The following PARD3 variants were observed in gnomAD, a reference collection of about 807,000 sequenced individuals.
PARD3 encodes the protein par-3 family cell polarity regulator, also known as partitioning defective 3 homolog.
PARD3 carries 75 observed loss-of-function variants against 155.4 expected under a neutral mutation model. That is an observed-to-expected ratio of 0.48 (90% CI 0.40 to 0.58). The LOEUF (loss-of-function observed/expected upper bound fraction) is 0.58, where lower values mean the gene tolerates loss of function less well. Ranked by LOEUF, PARD3 falls within the 20% of genes least tolerant of loss-of-function variation. The pLI is 0.00. For missense variants in PARD3, 1,642 were observed against 1,721.7 expected (o/e 0.95, Z 0.82); for synonymous variants, 576 against 610.5 (o/e 0.94, Z 0.83).
At chr10:34,727,974 G>A (rs186073731) in intron 1 of PARD3, among the ~76,000 whole-genome samples, 7 of 151,866 alleles carry the variant, frequency 4.6e-5, no homozygotes, top group South Asian at 4.2e-4. Flanking sequence ...TTCAGCACCC[G>A]ATATCTGACA....
chr10:34,418,298 CT>C (rs1479122055), intron 5 of PARD3, among the ~76,000 whole-genome samples: 1 of 152,066 alleles, frequency 6.6e-6, no homozygotes, highest in African/African-American at 2.4e-5. Flanking sequence ...CCTCAGCCTC[CT>C]AAGTAGCTGA....
chr10:34,373,301 GA>G (rs879396712), intron 11 of PARD3, among the ~76,000 whole-genome samples: 55 of 141,572 alleles, frequency 3.9e-4, no homozygotes, highest in South Asian at 1.1e-3. Context: ...ACATAACCAA[GA>G]AAAAAAAAAA....
intron 1 of PARD3, among the ~76,000 whole-genome samples, chr10:34,798,925 C>G (rs751580384): frequency 2.6e-5 from 4 of 152,206 alleles, no homozygotes; most frequent in Non-Finnish European, 5.9e-5. Context: ...AGACAACCAC[C>G]TGAAGAGCTT....
At chr10:34,510,907 A>G (rs1179214840) in intron 3 of PARD3, among the ~76,000 whole-genome samples, 1 of 152,224 alleles carries the variant, frequency 6.6e-6, no homozygotes, top group African/African-American at 2.4e-5. Context: ...TTGCATCTAA[A>G]TAATTCCTTA....
intron 1 of PARD3, among the ~76,000 whole-genome samples, chr10:34,720,053 TA>T (rs1469325875): frequency 6.6e-6 from 1 of 152,202 alleles, no homozygotes; most frequent in Non-Finnish European, 1.5e-5. Context: ...AATTTCAGCT[TA>T]TGGTGCAGGG....
chr10:34,766,954 GC>G (rs1838180366), intron 1 of PARD3, among the ~76,000 whole-genome samples: 3 of 152,136 alleles, frequency 2.0e-5, no homozygotes, highest in African/African-American at 7.2e-5. Flanking sequence ...CCTAGACTCA[GC>G]GAGAAAGGAG....
chr10:34,504,322 T>G (rs1182336257), intron 3 of PARD3, among the ~76,000 whole-genome samples: 1 of 151,532 alleles, frequency 6.6e-6, no homozygotes, highest in African/African-American at 2.4e-5. Context: ...TGGATCTTAC[T>G]ATGGTGCCCA....
intron 22 of PARD3, among the ~76,000 whole-genome samples, chr10:34,193,696 T>C (rs536265252): frequency 6.6e-6 from 1 of 152,352 alleles, no homozygotes; most frequent in Non-Finnish European, 1.5e-5. Flanking sequence ...TTAATTGGAT[T>C]TTCTGCACTT....
intron 22 of PARD3, among the ~76,000 whole-genome samples, chr10:34,198,017 G>A (rs182541092): frequency 1.0e-3 from 156 of 152,308 alleles, no homozygotes; most frequent in African/African-American, 3.3e-3. Flanking sequence ...ATGAGCCACC[G>A]CGCCCGGCCG....
chr10:34,536,927 C>G (rs372022881), intron 2 of PARD3, among the ~76,000 whole-genome samples: 40 of 152,066 alleles, frequency 2.6e-4, no homozygotes, highest in Non-Finnish European at 4.7e-4. Flanking sequence ...GGTAACTGAG[C>G]GAAAGAAAAA....
chr10:34,355,680 G>A (rs969668196), intron 14 of PARD3, among the ~76,000 whole-genome samples: 4 of 152,040 alleles, frequency 2.6e-5, no homozygotes, highest in Non-Finnish European at 4.4e-5. Flanking sequence ...TGTAATTCCA[G>A]CACTTTGGGA....
intron 20 of PARD3, among the ~76,000 whole-genome samples, chr10:34,302,170 C>T (rs1353757446): frequency 2.0e-5 from 3 of 152,216 alleles, no homozygotes; most frequent in African/African-American, 2.4e-5. Context: ...CCTCGCAAAC[C>T]GAGAGGATTT....
At chr10:34,127,528 CT>C (rs1428316002) in intron 23 of PARD3, among the ~76,000 whole-genome samples, 1 of 152,088 alleles carries the variant, frequency 6.6e-6, no homozygotes, top group East Asian at 1.9e-4. Flanking sequence ...TCTTTTCGAT[CT>C]TTGTTCTCCC....
intron 12 of PARD3, among the ~76,000 whole-genome samples, chr10:34,365,370 C>A (rs560765014): frequency 6.6e-6 from 1 of 152,192 alleles, no homozygotes; most frequent in African/African-American, 2.4e-5. Context: ...TTGAGTTTTA[C>A]CCTTTGGACT....
chr10:34,686,752 GA>G (rs982475215), intron 2 of PARD3, among the ~76,000 whole-genome samples: 16 of 138,246 alleles, frequency 1.2e-4, no homozygotes, highest in South Asian at 2.3e-4. Context: ...AAAAAGAAAA[GA>G]AAAAAAAAAG....
At chr10:34,113,507 AC>A (rs1946500076) in intron 24 of PARD3, among the ~76,000 whole-genome samples, 3 of 150,646 alleles carry the variant, frequency 2.0e-5, no homozygotes. Context: ...ACACACACAC[AC>A]ACACACACAC....
intron 14 of PARD3, among the ~76,000 whole-genome samples, chr10:34,350,836 C>T (rs1837998501): frequency 6.6e-6 from 1 of 151,980 alleles, no homozygotes; most frequent in South Asian, 2.1e-4. Flanking sequence ...TATTAAAGAA[C>T]AAAAATAGCT....
At chr10:34,605,581 A>C (rs1210844347) in intron 2 of PARD3, among the ~76,000 whole-genome samples, 1 of 74,986 alleles carries the variant, frequency 1.3e-5, no homozygotes, top group Non-Finnish European at 2.2e-5. Context: ...TATATCTCCT[A>C]TATATATCTC....
intron 5 of PARD3, among the ~76,000 whole-genome samples, chr10:34,434,457 G>C (rs2076093213): frequency 6.6e-6 from 1 of 152,206 alleles, no homozygotes; most frequent in African/African-American, 2.4e-5. Flanking sequence ...CAGCAGCTTG[G>C]TCAGCATAAG....
Sources: gnomAD v4.1 joint callset for allele counts (sites outside exome capture counted in the v4.1 genomes callset) on GRCh38, gnomAD v4.1.1 for gene constraint, MANE v1.5 for transcripts, NCBI Gene and HGNC (gene_info 2026-07-23, HGNC 2026-07-21) for gene names.